Variants in SLC6A19 observed in about 807,000 individuals in gnomAD.
The protein encoded by SLC6A19 is solute carrier family 6 member 19.
A neutral mutation model predicts 68.3 loss-of-function variants in SLC6A19; 67 were observed. The observed-to-expected ratio is 0.98, with a 90% CI of 0.81 to 1.20. The LOEUF (loss-of-function observed/expected upper bound fraction) is 1.20, where lower values mean the gene tolerates loss of function less well. Among genes scored for constraint, SLC6A19 ranks in the 50% most tolerant of loss-of-function variants. The pLI is 0.00. For synonymous variants in SLC6A19, 392 were observed against 374.9 expected, an observed-to-expected ratio of 1.05 and a Z score of -0.53; for missense variants, 813 against 851.6, an observed-to-expected ratio of 0.95 and a Z score of 0.56.
At position 1,215,671 on chromosome 5, in the gene SLC6A19, C is replaced by T. The variant is rs1370789765; in HGVS notation, c.888-887C>T. 6.6e-6 allele frequency among the ~76,000 whole-genome samples: 1 copy of T among 152,234 alleles called. No individual in the cohort carries two copies. The highest frequency in any genetic ancestry group is 6.5e-5 in the Admixed American group (1 of 15,292). ...TCCATGGACATTTTCCACGTTTTGG[C>T]TGTCATGAGTCATGCTGACGTGAGC... On this transcript the variant is annotated intron_variant, in intron 6 of 11. Coordinates refer to ENST00000304460, the MANE Select transcript of SLC6A19 (RefSeq NM_001003841.3). This position sits in a 1 kb window ranked among gnomAD's most constrained non-coding sequence, Gnocchi z 5.1.
chr5:1,212,390 C>G lies in SLC6A19; in HGVS notation c.569C>G (p.Ser190Trp). 6.2e-7 allele frequency: 1 copy of G among 1,613,324 alleles called. No individual in the cohort carries two copies. The highest frequency in any genetic ancestry group is 8.5e-7 in the Non-Finnish European group (1 of 1,179,948). Residue 190 changes from serine (S) to tryptophan (W), a missense_variant, in exon 4 of 12, where the codon TCG becomes TGG. Ser to Trp is a radical substitution (Grantham distance 177). Coordinates refer to ENST00000304460, the MANE Select transcript of SLC6A19 (RefSeq NM_001003841.3). The surrounding 1 kb of genome is among the most constrained non-coding windows in gnomAD (Gnocchi z 5.1). ...TLNISTSISD[S>W]GSIQWWMLLC... ...AACATCTCCACGTCCATCAGCGACT[C>G]GGGCTCCATCCAGTGGTGGATGCTG... is the stretch of plus-strand genomic sequence containing the variant.
Position 1,209,625 on chromosome 5 carries a change from C to T in SLC6A19, c.343+739C>T, listed in dbSNP as rs1745966747. On this transcript the variant is annotated intron_variant, in intron 2 of 11. Transcript: ENST00000304460. This position sits in a 1 kb window ranked among gnomAD's most constrained non-coding sequence, Gnocchi z 5.5. Reference sequence around the variant, plus strand: ...TGTCTCTCCCTCTCTCTTCCTCTCTCTCTGTCTCTGTCATTCTCTCTTTCC... The same window carrying T: ...TGTCTCTCCCTCTCTCTTCCTCTCTTTCTGTCTCTGTCATTCTCTCTTTCC... 6.6e-6 allele frequency among the ~76,000 whole-genome samples: 1 copy of T among 151,970 alleles called. No homozygotes were observed. The highest frequency in any genetic ancestry group is 2.4e-5 in the African/African-American group (1 of 41,364).
chr5:1,219,647 C>A lies in SLC6A19; in HGVS notation c.1521C>A (p.Tyr507Ter). ...IAFCEMFSVV[Y>*]VYGVDRFNKD... ...TCTGCGAGATGTTCTCTGTGGTCTA[C>A]GTGTACGGTGTGGACAGGTAGGGGC... is the stretch of plus-strand genomic sequence containing the variant. Residue 507 changes from tyrosine to a stop codon, truncating the protein, a stop_gained, in exon 10 of 12, where the codon TAC becomes TAA. Coordinates refer to ENST00000304460, the MANE Select transcript of SLC6A19 (RefSeq NM_001003841.3). LOFTEE classifies it high-confidence loss of function. The A allele has an allele frequency of 6.2e-7, 1 of 1,606,296 alleles. No individual in the cohort carries two copies. The highest frequency in any genetic ancestry group is 8.5e-7 in the Non-Finnish European group (1 of 1,180,000).
rs890845077 is a variant in SLC6A19 at position 1,212,097 on chromosome 5, G to A, written c.482-206G>A. 6.6e-6 allele frequency among the ~76,000 whole-genome samples: 1 copy of A among 151,568 alleles called. No homozygotes were observed. Among genetic ancestry groups the A allele is most frequent in the Non-Finnish European group, 1.5e-5 (1 of 67,858 alleles). On this transcript the variant is annotated intron_variant, in intron 3 of 11. Transcript: ENST00000304460. The surrounding 1 kb of genome is among the most constrained non-coding windows in gnomAD (Gnocchi z 5.1). ...AGGTGCATGGACCAGATGTGCACAC[G>A]AGGGTGTAGCTGTGCATGTGTGCTG...
chr5:1,217,204 C>G (rs1003240192), intron 8 of SLC6A19, among the ~76,000 whole-genome samples: 1 of 152,276 alleles, frequency 6.6e-6, no homozygotes. Flanking sequence ...CCGGGGAACA[C>G]CACGGGCTGC....
intron 10 of SLC6A19, among the ~76,000 whole-genome samples, chr5:1,220,281 A>G (rs1015199401): frequency 9.2e-5 from 14 of 151,932 alleles, no homozygotes; most frequent in African/African-American, 2.4e-4. Flanking sequence ...ATGGTGGTGC[A>G]TGCCTGTAAT....
chr5:1,223,057 C>A lies in SLC6A19; in HGVS notation c.*1153C>A, dbSNP rs892216046. The A allele has an allele frequency of 6.6e-6, 1 of 152,206 alleles. No individual in the cohort carries two copies. Among genetic ancestry groups the A allele is most frequent in the African/African-American group, 2.4e-5 (1 of 41,450 alleles). 9.4% of individuals were successfully genotyped at this position (152,206 alleles called of 1,614,324 possible). On this transcript the variant is annotated 3_prime_UTR_variant, in exon 12 of 12. Coordinates refer to ENST00000304460, the MANE Select transcript of SLC6A19 (RefSeq NM_001003841.3). ...TCCCAGAGCCCTGTAGCCCTCGACCCGGAGCAGCCTCTCGGAAGCCGGAGT... is the reference window on the plus strand; with the variant it reads ...TCCCAGAGCCCTGTAGCCCTCGACCAGGAGCAGCCTCTCGGAAGCCGGAGT...
intron 1 of SLC6A19, among the ~76,000 whole-genome samples, chr5:1,206,740 C>T (rs1051740596): frequency 6.6e-6 from 1 of 152,078 alleles, no homozygotes; most frequent in Non-Finnish European, 1.5e-5. Context: ...GGACACGCAG[C>T]GTGAGGAGGG....
chr5:1,210,916 G>A (rs1319973801), intron 3 of SLC6A19, among the ~76,000 whole-genome samples: 3 of 152,278 alleles, frequency 2.0e-5, no homozygotes, highest in Admixed American at 6.5e-5. Context: ...CAGGACTGCC[G>A]CCTCCCGCCC....
At chr5:1,220,083 G>T (rs936968956) in intron 10 of SLC6A19, among the ~76,000 whole-genome samples, 25 of 152,018 alleles carry the variant, frequency 1.6e-4, no homozygotes, top group African/African-American at 5.3e-4. Context: ...CCTCAGACAG[G>T]GACTCTTGGT....
chr5:1,209,301 A>G lies in SLC6A19; in HGVS notation c.343+415A>G, dbSNP rs1434431717. 6.6e-6 allele frequency among the ~76,000 whole-genome samples: 1 copy of G among 152,146 alleles called. No homozygotes were observed. The highest frequency in any genetic ancestry group is 1.5e-5 in the Non-Finnish European group (1 of 68,012). On this transcript the variant is annotated intron_variant, in intron 2 of 11. Transcript: ENST00000304460. The surrounding 1 kb of genome is among the most constrained non-coding windows in gnomAD (Gnocchi z 5.5). Reference sequence around the variant, plus strand: ...CCCCCAGACATAGTCACTCATTTATAAGCTCTGGGGCCCAGGAGCAGACCC... The same window carrying G: ...CCCCCAGACATAGTCACTCATTTATGAGCTCTGGGGCCCAGGAGCAGACCC...
chr5:1,222,013 A>G lies in SLC6A19; in HGVS notation c.*109A>G, dbSNP rs1746396321. On this transcript the variant is annotated 3_prime_UTR_variant, in exon 12 of 12. Transcript: ENST00000304460. Reference sequence around the variant, plus strand: ...CCTGCATGTGTGTAAGCGTGAGTGTATGCTCGTGTGTGAGTGTGTGTATTG... The same window carrying G: ...CCTGCATGTGTGTAAGCGTGAGTGTGTGCTCGTGTGTGAGTGTGTGTATTG... 4 of 1,224,600 alleles carry G rather than the reference A, an allele frequency of 3.3e-6. No homozygotes were observed. The highest frequency in any genetic ancestry group is 4.6e-6 in the Non-Finnish European group (4 of 862,612). 75.9% of individuals were successfully genotyped at this position (1,224,600 alleles called of 1,614,324 possible). A position where few individuals can be genotyped will look rare whatever the true frequency, so the allele number is the denominator to read the frequency against.
chr5:1,213,098 C>T (rs1396557394), intron 4 of SLC6A19, among the ~76,000 whole-genome samples: 29 of 128,842 alleles, frequency 2.3e-4, no homozygotes, highest in African/African-American at 8.5e-4. Context: ...ACATGCTCGG[C>T]CCCCCGTCGC....
intron 10 of SLC6A19, among the ~76,000 whole-genome samples, chr5:1,220,544 C>A (rs1463685598): frequency 6.6e-6 from 1 of 152,072 alleles, no homozygotes; most frequent in Non-Finnish European, 1.5e-5. Flanking sequence ...GGGCAGTAAG[C>A]CCTTGCCGGG....
chr5:1,201,821 C>T lies in SLC6A19; in HGVS notation c.171C>T (p.Arg57=), dbSNP rs1745712758. 1 of 1,612,068 alleles carries T rather than the reference C, an allele frequency of 6.2e-7. No homozygotes were observed. The highest frequency in any genetic ancestry group is 8.5e-7 in the Non-Finnish European group (1 of 1,179,864). ...GCGTGGGCCTCGGCAACGTGTGGCG[C>T]TTCCCCTACCTGTGTCAGAGCCACG... is the stretch of plus-strand genomic sequence containing the variant. ...GFCVGLGNVW[R]FPYLCQSHGG... is the part of the protein sequence containing the mutation. The change falls in exon 1 of 12, where the codon CGC becomes CGT. Residue 57 remains arginine (R), a synonymous_variant. Transcript: ENST00000304460.
chr5:1,208,965 G>A (rs575201026), intron 2 of SLC6A19, 79 bp downstream of exon 2: 326 of 1,517,860 alleles, frequency 2.1e-4, no homozygotes, highest in Non-Finnish European at 2.7e-4. Flanking sequence ...CCCAGGGTTC[G>A]CCTTGCCGGC....
chr5:1,218,838 C>A, intron 8 of SLC6A19, 65 bp from the exon 9 acceptor site: 1 of 1,569,572 alleles, frequency 6.4e-7, no homozygotes, highest in Admixed American at 1.7e-5. Flanking sequence ...CACGAGACCT[C>A]GGGCGGGGAG....
At chr5:1,207,325 T>G (rs1338883678) in intron 1 of SLC6A19, among the ~76,000 whole-genome samples, 2 of 152,144 alleles carry the variant, frequency 1.3e-5, no homozygotes, top group Non-Finnish European at 2.9e-5. Context: ...CCTGGGGGCC[T>G]TGTGGCTGAG....
rs116694644 is a variant in SLC6A19, at chr5:1,209,451, C to T, written c.343+565C>T. Among the ~76,000 whole-genome samples, 4,979 of 152,182 alleles carry T rather than the reference C, an allele frequency of 0.033. 265 individuals are homozygous for T. Among genetic ancestry groups the T allele is most frequent in the African/African-American group, 0.11 (4,745 of 41,484 alleles). On this transcript the variant is annotated intron_variant, in intron 2 of 11. Coordinates refer to ENST00000304460, the MANE Select transcript of SLC6A19 (RefSeq NM_001003841.3). This position sits in a 1 kb window ranked among gnomAD's most constrained non-coding sequence, Gnocchi z 5.5. The stretch of plus-strand genomic sequence containing the variant: ...AGTCTGAGTCCAGGAAGCACCTGCC[C>T]TTCGGAAGCCTGCAGGCCTGGAGCA...
Sources: gnomAD v4.1 joint callset for allele counts (sites outside exome capture counted in the v4.1 genomes callset) on GRCh38, gnomAD v4.1.1 for gene constraint, Gnocchi (gnomAD v3.1) non-coding constraint, MANE v1.5 for transcripts, NCBI Gene and HGNC (gene_info 2026-07-23, HGNC 2026-07-21) for gene names.